The following GRIP1 variants were observed in gnomAD, a reference collection of about 807,000 sequenced individuals.
GRIP1 encodes the protein glutamate receptor interacting protein 1.
Under a neutral mutation model 129.9 loss-of-function variants are expected in GRIP1, and 45 were observed. The observed-to-expected ratio is 0.35, with a 90% CI of 0.27 to 0.44. The LOEUF (loss-of-function observed/expected upper bound fraction) is 0.44, where lower values mean the gene tolerates loss of function less well. GRIP1 is among the 20% of genes least tolerant of loss of function. The probability of loss-of-function intolerance (pLI) is 1.00; values close to 1 mark genes in which losing one functional copy is unlikely to be tolerated. For synonymous variants in GRIP1, 530 were observed against 520.8 expected, an observed-to-expected ratio of 1.02 and a Z score of -0.24; for missense variants, 1,196 against 1,396.8, an observed-to-expected ratio of 0.86 and a Z score of 2.29.
chr12:67,037,864 T>C (rs200150345), intron 1 of GRIP1, among the ~76,000 whole-genome samples: 3 of 152,210 alleles, frequency 2.0e-5, no homozygotes, highest in African/African-American at 4.8e-5. Context: ...TACTTGAAAG[T>C]AGACCGTGCT....
At position 66,347,844 on chromosome 12, in the gene GRIP1, A is replaced by ATGTT. The variant is rs1555169204; in HGVS notation, c.*1171_*1174dup. ...GTTTGAATTATTGACCAAAATGAAA[A>ATGTT]TGTTTGGAAAATAATCATTTCAATA... On this transcript the variant is annotated 3_prime_UTR_variant, in exon 25 of 25. Transcript: ENST00000359742. 3.3e-5 allele frequency: 5 copies of ATGTT among 152,226 alleles called. No individual in the cohort carries two copies. Among genetic ancestry groups the ATGTT allele is most frequent in the African/African-American group, 9.6e-5 (4 of 41,462 alleles). 9.4% of individuals were successfully genotyped at this position (152,226 alleles called of 1,614,324 possible). A position where few individuals can be genotyped will look rare whatever the true frequency, so the allele number is the denominator to read the frequency against.
At chr12:66,567,913 G>A (rs2062823320) in intron 2 of GRIP1, 1 of 166,430 alleles carries the variant, frequency 6.0e-6, no homozygotes, top group East Asian at 1.8e-4. Context: ...TAAACACTGG[G>A]GAATGTGAGG....
At chr12:66,960,169 T>G (rs565476113) in intron 1 of GRIP1, among the ~76,000 whole-genome samples, 1 of 152,222 alleles carries the variant, frequency 6.6e-6, no homozygotes, top group African/African-American at 2.4e-5. Context: ...CTTGTTGACA[T>G]TTACTGTTTG....
intron 19 of GRIP1, among the ~76,000 whole-genome samples, chr12:66,382,553 C>T (rs147585691): frequency 1.2e-4 from 18 of 152,188 alleles, no homozygotes; most frequent in Non-Finnish European, 2.2e-4. Flanking sequence ...GTGCCTAGAA[C>T]ACAAGGAGGT....
intron 1 of GRIP1, among the ~76,000 whole-genome samples, chr12:66,788,322 G>C (rs2038423409): frequency 6.6e-6 from 1 of 151,520 alleles, no homozygotes; most frequent in African/African-American, 2.4e-5. Context: ...GTTGAGGTCA[G>C]TCTGCTGGAA....
chr12:66,747,202 G>C (rs1011985672), intron 1 of GRIP1, among the ~76,000 whole-genome samples: 1 of 152,032 alleles, frequency 6.6e-6, no homozygotes, highest in Non-Finnish European at 1.5e-5. Flanking sequence ...TCTCTAGAAA[G>C]AATATAAGGG....
At chr12:67,037,190 T>A (rs1183612434) in intron 1 of GRIP1, among the ~76,000 whole-genome samples, 3 of 151,908 alleles carry the variant, frequency 2.0e-5, no homozygotes, top group Non-Finnish European at 4.4e-5. Context: ...TAGCAGGGCG[T>A]GGTGGCGGGC....
chr12:66,370,775 A>G (rs2055443761), intron 23 of GRIP1, among the ~76,000 whole-genome samples: 1 of 152,182 alleles, frequency 6.6e-6, no homozygotes, highest in African/African-American at 2.4e-5. Context: ...TTACTTACAT[A>G]TGCCTTGGCT....
chr12:66,456,391 CA>C (rs1565757883), intron 9 of GRIP1, 49 bp from the exon 10 acceptor site: 2 of 1,053,416 alleles, frequency 1.9e-6, no homozygotes, highest in Admixed American at 5.1e-5. Flanking sequence ...AACGAACAAA[CA>C]AAGAACCAAA....
intron 16 of GRIP1, among the ~76,000 whole-genome samples, chr12:66,399,859 G>A (rs536655095): frequency 2.4e-4 from 36 of 151,898 alleles, no homozygotes; most frequent in East Asian, 5.8e-4. Flanking sequence ...TTTAGAGTAC[G>A]GCTAAATTTC....
intron 1 of GRIP1, among the ~76,000 whole-genome samples, chr12:66,629,222 G>A (rs1346534057): frequency 6.6e-6 from 1 of 152,194 alleles, no homozygotes; most frequent in Non-Finnish European, 1.5e-5. Flanking sequence ...TAGTACATTA[G>A]GATATTCTTG....
intron 1 of GRIP1, among the ~76,000 whole-genome samples, chr12:66,748,589 C>T (rs963963935): frequency 3.3e-5 from 5 of 152,290 alleles, no homozygotes; most frequent in Non-Finnish European, 7.4e-5. Flanking sequence ...ATGTGTCTAG[C>T]AGCCTTAGGA....
chr12:66,912,888 G>T (rs1475980493), intron 1 of GRIP1, among the ~76,000 whole-genome samples: 2 of 152,102 alleles, frequency 1.3e-5, no homozygotes, highest in African/African-American at 2.4e-5. Flanking sequence ...AGGTGTGGCT[G>T]TTACAGGATA....
intron 1 of GRIP1, among the ~76,000 whole-genome samples, chr12:66,865,929 G>A (rs531061028): frequency 2.6e-5 from 4 of 151,398 alleles, no homozygotes; most frequent in South Asian, 2.1e-4. Context: ...CATTTCTTTC[G>A]GTCAACCTAC....
intron 1 of GRIP1, among the ~76,000 whole-genome samples, chr12:66,672,236 C>T (rs1306357803): frequency 6.6e-6 from 1 of 152,086 alleles, no homozygotes; most frequent in Non-Finnish European, 1.5e-5. Flanking sequence ...ATAGAAATTT[C>T]CTTAGTACAA....
intron 1 of GRIP1, among the ~76,000 whole-genome samples, chr12:66,663,600 C>A (rs1045209168): frequency 2.0e-5 from 3 of 151,814 alleles, no homozygotes; most frequent in African/African-American, 7.3e-5. Context: ...TGAAGGAGTC[C>A]AATTCAACTA....
intron 1 of GRIP1, among the ~76,000 whole-genome samples, chr12:66,867,850 G>A (rs1465194570): frequency 1.3e-5 from 2 of 152,132 alleles, no homozygotes; most frequent in Non-Finnish European, 2.9e-5. Context: ...CTCAGTGAAT[G>A]TCCTTGCAGC....
chr12:66,551,677 G>T (rs189588581), intron 2 of GRIP1, among the ~76,000 whole-genome samples: 6 of 151,642 alleles, frequency 4.0e-5, no homozygotes, highest in Admixed American at 6.6e-5. Context: ...GGGCTCAAGG[G>T]ATCCTCCTGC....
At chr12:66,502,731 G>T (rs889430058) in intron 7 of GRIP1, among the ~76,000 whole-genome samples, 1 of 152,118 alleles carries the variant, frequency 6.6e-6, no homozygotes, top group African/African-American at 2.4e-5. Flanking sequence ...GCTCACTGAG[G>T]CCTTCCAAGA....
Sources: allele counts gnomAD v4.1 joint callset (sites outside exome capture counted in the v4.1 genomes callset), GRCh38; gene constraint gnomAD v4.1.1; transcripts MANE v1.5; gene names NCBI Gene and HGNC (gene_info 2026-07-23, HGNC 2026-07-21).